MSTN: variants seen among roughly 807,000 people sequenced by gnomAD.
MSTN encodes myostatin, also known as growth/differentiation factor 8.
In MSTN, 12 loss-of-function variants were observed where a neutral mutation model predicts 32.3. That is an observed-to-expected ratio of 0.37 (90% CI 0.24 to 0.60). The LOEUF (loss-of-function observed/expected upper bound fraction) is 0.60, where lower values mean the gene tolerates loss of function less well. Among genes scored for constraint, MSTN ranks in the 20% least tolerant of loss-of-function variants. MSTN has a pLI of 0.67. For missense variants in MSTN, 403 were observed against 450.3 expected, an observed-to-expected ratio of 0.89 and a Z score of 0.95; for synonymous variants, 168 against 155.1, an observed-to-expected ratio of 1.08 and a Z score of -0.62.
rs1466473374 is a variant in MSTN, at chr2:190,056,418, A to C, written c.*840T>G. Reference sequence around the variant, plus strand: ...AAGGCAGTGTTGTAATTTTCCAAAGACAAAATTACATACTTCTCCAAGTAT... The same window carrying C: ...AAGGCAGTGTTGTAATTTTCCAAAGCCAAAATTACATACTTCTCCAAGTAT... On this transcript the variant is annotated 3_prime_UTR_variant, in exon 3 of 3. Transcript: ENST00000260950. 6.6e-6 allele frequency: 1 copy of C among 152,564 alleles called. No homozygotes were observed. Among genetic ancestry groups the C allele is most frequent in the Non-Finnish European group, 1.5e-5 (1 of 67,998 alleles). 9.5% of individuals were successfully genotyped at this position (152,564 alleles called of 1,614,324 possible). A position where few individuals can be genotyped will look rare whatever the true frequency, so the allele number is the denominator to read the frequency against.
chr2:190,057,210 G>A lies in MSTN; in HGVS notation c.*48C>T, dbSNP rs375666149. ...ATTTCACAGCTTCAAAATTGTTGAG[G>A]GGAAAACCTTCCATGTTTTAGGAAG... On this transcript the variant is annotated 3_prime_UTR_variant, in exon 3 of 3. Coordinates refer to ENST00000260950, the MANE Select transcript of MSTN (RefSeq NM_005259.3). 11 of 1,608,006 alleles carry A rather than the reference G, an allele frequency of 6.8e-6. No individual in the cohort carries two copies. The highest frequency in any genetic ancestry group is 9.4e-6 in the Non-Finnish European group (11 of 1,175,854).
rs1685436077 is a variant in MSTN at position 190,056,621 on chromosome 2, A to G, written c.*637T>C. 6.5e-6 allele frequency: 1 copy of G among 152,706 alleles called. No homozygotes were observed. Among genetic ancestry groups the G allele is most frequent in the South Asian group, 2.1e-4 (1 of 4,832 alleles). 9.5% of individuals were successfully genotyped at this position (152,706 alleles called of 1,614,324 possible). ...GAAAATGCACCTGAAGAAAAGAGAA[A>G]CTTACTATTTTACTGAATGTTTTTT... On this transcript the variant is annotated 3_prime_UTR_variant, in exon 3 of 3. Transcript: ENST00000260950.
At chr2:190,060,700 G>C (rs1159883312) in intron 1 of MSTN, among the ~76,000 whole-genome samples, 1 of 151,994 alleles carries the variant, frequency 6.6e-6, no homozygotes, top group Non-Finnish European at 1.5e-5. Context: ...ACAAAGGAAG[G>C]TTCTATGAAG....
In MSTN at chr2:190,060,573, A is replaced by G; in HGVS notation, c.374-138T>C. The G allele has an allele frequency of 4.0e-6, 3 of 741,878 alleles. No individual in the cohort carries two copies. The East Asian group carries it at 8.2e-5, about 20-fold the overall frequency. The allele number at this position is 741,878 out of a possible 1,614,324, so 46.0% of individuals were successfully genotyped here. A position where few individuals can be genotyped will look rare whatever the true frequency, so the allele number is the denominator to read the frequency against. On this transcript the variant is annotated intron_variant, in intron 1 of 2. Transcript: ENST00000260950. The stretch of plus-strand genomic sequence containing the variant: ...CTTTTAAAATGAAATACCGTGTGGA[A>G]CTTTATAACTCAAAAAAATGTCAAA...
In MSTN at chr2:190,057,094, C is replaced by T. The variant is rs910713665; in HGVS notation, c.*164G>A. On this transcript the variant is annotated 3_prime_UTR_variant, in exon 3 of 3. Coordinates refer to ENST00000260950, the MANE Select transcript of MSTN (RefSeq NM_005259.3). Reference sequence around the variant, plus strand: ...ATTTGTTTGGATGGTTAAATGCCAACCATTGCATATATTCCCCCTTTTAGT... The same window carrying T: ...ATTTGTTTGGATGGTTAAATGCCAATCATTGCATATATTCCCCCTTTTAGT... 2.9e-6 allele frequency: 2 copies of T among 690,900 alleles called. No individual in the cohort carries two copies. The highest frequency in any genetic ancestry group is 5.5e-5 in the East Asian group (2 of 36,234). 42.8% of individuals were successfully genotyped at this position (690,900 alleles called of 1,614,324 possible). A position where few individuals can be genotyped will look rare whatever the true frequency, so the allele number is the denominator to read the frequency against.
Position 190,057,643 on chromosome 2 carries a change from T to G in MSTN, c.748-5A>C. The G allele has an allele frequency of 6.2e-7, 1 of 1,612,914 alleles. No individual in the cohort carries two copies. The highest frequency in any genetic ancestry group is 1.7e-5 in the Admixed American group (1 of 59,892). ...CTTGACCTCTAAAAACGGATTCTGT[T>G]TGAAAAGGAAAGAACAATCAGTAAT... On this transcript the variant is annotated splice_polypyrimidine_tract_variant and splice_region_variant and intron_variant, in intron 2 of 2. Coordinates refer to ENST00000260950, the MANE Select transcript of MSTN (RefSeq NM_005259.3).
intron 2 of MSTN, among the ~76,000 whole-genome samples, chr2:190,058,229 T>C (rs1685490747): frequency 6.6e-6 from 1 of 152,028 alleles, no homozygotes; most frequent in Non-Finnish European, 1.5e-5. Flanking sequence ...ATTTAAAAAT[T>C]TGTTGATTCT....
chr2:190,062,615 ATCT>A lies in MSTN; in HGVS notation c.-22_-20del. The stretch of plus-strand genomic sequence containing the variant: ...TTTGCATGATTTTAAAATCAATATA[ATCT>A]TTTTTCTTGTTCTTGTTTCTTCCTT... On this transcript the variant is annotated 5_prime_UTR_variant, in exon 1 of 3. Coordinates refer to ENST00000260950, the MANE Select transcript of MSTN (RefSeq NM_005259.3). 6.2e-7 allele frequency: 1 copy of A among 1,606,954 alleles called. No homozygotes were observed. The highest frequency in any genetic ancestry group is 8.5e-7 in the Non-Finnish European group (1 of 1,176,394).
intron 2 of MSTN, among the ~76,000 whole-genome samples, chr2:190,059,174 ATCT>A (rs1307012563): frequency 2.0e-5 from 3 of 151,970 alleles, no homozygotes; most frequent in Non-Finnish European, 4.4e-5. Context: ...TACAAGTATA[ATCT>A]TCTTTTGTAA....
At position 190,060,089 on chromosome 2, in the gene MSTN, G is replaced by T. The variant is rs759355620; in HGVS notation, c.720C>A (p.Thr240=). ...LDENGHDLAV[T]FPGPGEDGLN... is the part of the protein sequence containing the mutation. ...GCCCATCTTCTCCTGGTCCTGGGAA[G>T]GTTACAGCAAGATCATGACCATTCT... The change falls in exon 2 of 3, where the codon ACC becomes ACA. Residue 240 remains threonine (T), a synonymous_variant. Transcript: ENST00000260950. 2.5e-6 allele frequency: 4 copies of T among 1,612,554 alleles called. No individual in the cohort carries two copies. The highest frequency in any genetic ancestry group is 1.7e-5 in the Admixed American group (1 of 59,912).
At chr2:190,060,512 A>T in intron 1 of MSTN, 77 bp from the exon 2 acceptor site, 1 of 1,316,762 alleles carries the variant, frequency 7.6e-7, no homozygotes, top group Non-Finnish European at 1.0e-6. Context: ...ATAGTTGAGC[A>T]TTTTTTTAAA....
At chr2:190,058,626 T>C (rs1685504845) in intron 2 of MSTN, among the ~76,000 whole-genome samples, 1 of 152,024 alleles carries the variant, frequency 6.6e-6, no homozygotes, top group East Asian at 1.9e-4. Context: ...AGCGGATGAA[T>C]GGATAAAGAA....
At chr2:190,061,420 C>A (rs887178450) in intron 1 of MSTN, among the ~76,000 whole-genome samples, 1 of 151,472 alleles carries the variant, frequency 6.6e-6, no homozygotes, top group Admixed American at 6.6e-5. Flanking sequence ...GTAGATACTA[C>A]AGGTAAAAGC....
chr2:190,058,347 T>C (rs1284169642), intron 2 of MSTN, among the ~76,000 whole-genome samples: 1 of 152,062 alleles, frequency 6.6e-6, no homozygotes, highest in Non-Finnish European at 1.5e-5. Flanking sequence ...ATTTTGATCA[T>C]TAAAATTCTA....
intron 1 of MSTN, 59 bp downstream of exon 1, chr2:190,062,165 C>T: frequency 6.3e-7 from 1 of 1,589,776 alleles, no homozygotes; most frequent in Non-Finnish European, 8.6e-7. Context: ...ATCTGTTTCT[C>T]ATAAACACTA....
At position 190,056,934 on chromosome 2, in the gene MSTN, T is replaced by C. The variant is rs1040639576; in HGVS notation, c.*324A>G. The C allele has an allele frequency of 2.5e-5, 7 of 284,620 alleles. No individual in the cohort carries two copies. Among genetic ancestry groups the C allele is most frequent in the African/African-American group, 4.4e-5 (2 of 45,468 alleles). 17.6% of individuals were successfully genotyped at this position (284,620 alleles called of 1,614,324 possible). A position where few individuals can be genotyped will look rare whatever the true frequency, so the allele number is the denominator to read the frequency against. On this transcript the variant is annotated 3_prime_UTR_variant, in exon 3 of 3. Coordinates refer to ENST00000260950, the MANE Select transcript of MSTN (RefSeq NM_005259.3). Reference sequence around the variant, plus strand: ...CTTTAAAGAAATAGACTTTAAAGCATACTCCTTTAATTCATCAGAACTCAA... The same window carrying C: ...CTTTAAAGAAATAGACTTTAAAGCACACTCCTTTAATTCATCAGAACTCAA...
At position 190,057,191 on chromosome 2, in the gene MSTN, C is replaced by T. The variant is rs543163866; in HGVS notation, c.*67G>A. On this transcript the variant is annotated 3_prime_UTR_variant, in exon 3 of 3. Coordinates refer to ENST00000260950, the MANE Select transcript of MSTN (RefSeq NM_005259.3). ...CTATAGCCTGTGGTACTTAATTTCACAGCTTCAAAATTGTTGAGGGGAAAA... is the reference window on the plus strand; with the variant it reads ...CTATAGCCTGTGGTACTTAATTTCATAGCTTCAAAATTGTTGAGGGGAAAA... 7.6e-6 allele frequency: 12 copies of T among 1,579,936 alleles called. No individual in the cohort carries two copies. Among genetic ancestry groups the T allele is most frequent in the African/African-American group, 1.3e-5 (1 of 74,160 alleles).
rs1335337313 is a variant in MSTN, at chr2:190,057,034, C to T, written c.*224G>A. 5 of 534,958 alleles carry T rather than the reference C, an allele frequency of 9.3e-6. No individual in the cohort carries two copies. The highest frequency in any genetic ancestry group is 1.6e-5 in the Non-Finnish European group (5 of 303,190). The allele number at this position is 534,958 out of a possible 1,614,324, so 33.1% of individuals were successfully genotyped here. ...AATGTAATTTGATCTCCTTCTAGCTCAAAAACTCTGGAAATCATAAAACTT... is the reference window on the plus strand; with the variant it reads ...AATGTAATTTGATCTCCTTCTAGCTTAAAAACTCTGGAAATCATAAAACTT... On this transcript the variant is annotated 3_prime_UTR_variant, in exon 3 of 3. Transcript: ENST00000260950.
Position 190,057,138 on chromosome 2 carries a change from G to C in MSTN, c.*120C>G. ...TTTTAGTTTACATACTGTAGCTTAT[G>C]CTTAAGTGACTGTAGCATACTCTAG... On this transcript the variant is annotated 3_prime_UTR_variant, in exon 3 of 3. Coordinates refer to ENST00000260950, the MANE Select transcript of MSTN (RefSeq NM_005259.3). The C allele has an allele frequency of 9.6e-7, 1 of 1,043,708 alleles. No individual in the cohort carries two copies. The highest frequency in any genetic ancestry group is 1.4e-6 in the Non-Finnish European group (1 of 700,946). 64.7% of individuals were successfully genotyped at this position (1,043,708 alleles called of 1,614,324 possible).
Sources: gnomAD v4.1 joint callset for allele counts (sites outside exome capture counted in the v4.1 genomes callset) on GRCh38, gnomAD v4.1.1 for gene constraint, MANE v1.5 for transcripts, NCBI Gene and HGNC (gene_info 2026-07-23, HGNC 2026-07-21) for gene names.